The following PLIN2 variants were observed in gnomAD, a reference collection of about 807,000 sequenced individuals.
PLIN2 encodes the protein perilipin-2.
Under a neutral mutation model 30.6 loss-of-function variants are expected in PLIN2, and 33 were observed. That is an observed-to-expected ratio of 1.08 (90% CI 0.82 to 1.44). The LOEUF (loss-of-function observed/expected upper bound fraction) is 1.44, where lower values mean the gene tolerates loss of function less well. Ranked by LOEUF, PLIN2 falls within the 40% of genes most tolerant of loss-of-function variation. PLIN2 has a pLI of 0.00. For synonymous variants in PLIN2, 205 were observed against 201.1 expected (o/e 1.02, Z -0.16); for missense variants, 610 against 531.8 (o/e 1.15, Z -1.45).
intron 3 of PLIN2, among the ~76,000 whole-genome samples, chr9:19,125,118 C>G (rs559856346): frequency 1.3e-5 from 2 of 152,176 alleles, no homozygotes; most frequent in Non-Finnish European, 2.9e-5. Context: ...TGAGATTTCT[C>G]ATGGAGTATG....
chr9:19,126,777 C>T (rs1818408125), intron 1 of PLIN2, among the ~76,000 whole-genome samples: 1 of 152,216 alleles, frequency 6.6e-6, no homozygotes, highest in African/African-American at 2.4e-5. Flanking sequence ...CGCGGTGGCT[C>T]ACGCCTGTAA....
Position 19,116,192 on chromosome 9 carries a change from C to G in PLIN2, c.*56G>C. 1.3e-6 allele frequency: 2 copies of G among 1,484,206 alleles called. No homozygotes were observed. Among genetic ancestry groups the G allele is most frequent in the Non-Finnish European group, 1.8e-6 (2 of 1,110,654 alleles). 91.9% of individuals were successfully genotyped at this position (1,484,206 alleles called of 1,614,324 possible). ...GGGTTGCCTAGCAAGTTAATTTCAA[C>G]ATAACAAAAGGTGTCATCTGTCTGG... On this transcript the variant is annotated 3_prime_UTR_variant, in exon 8 of 8. Transcript: ENST00000276914.
At chr9:19,114,054 A>T (rs1232336406), downstream of PLIN2, among the ~76,000 whole-genome samples, 1 of 151,944 alleles carries the variant, frequency 6.6e-6, no homozygotes, top group Non-Finnish European at 1.5e-5. Context: ...CTGGGATTAC[A>T]GGCCGTGAGC....
At chr9:19,119,898 C>G (rs1330643833) in intron 5 of PLIN2, 67 bp from the exon 6 acceptor site, 5 of 1,021,610 alleles carry the variant, frequency 4.9e-6, no homozygotes, top group Non-Finnish European at 7.3e-6. Context: ...GGCCTGGACT[C>G]TAACCTGGGT....
chr9:19,110,851 A>G (rs1818150964), downstream of PLIN2, among the ~76,000 whole-genome samples: 1 of 152,178 alleles, frequency 6.6e-6, no homozygotes, highest in Non-Finnish European at 1.5e-5. Context: ...CCTAGAAAGT[A>G]TATTATGTAT....
rs1564032943 is a variant in PLIN2 at position 19,127,085 on chromosome 9, C to T, written c.-23+334G>A. Among the ~76,000 whole-genome samples, 2 of 152,140 alleles carry T rather than the reference C, an allele frequency of 1.3e-5. No homozygotes were observed. The highest frequency in any genetic ancestry group is 2.9e-5 in the Non-Finnish European group (2 of 68,034). On this transcript the variant is annotated intron_variant, in intron 1 of 7. Transcript: ENST00000276914. The surrounding 1 kb of genome is among the most constrained non-coding windows in gnomAD (Gnocchi z 4.3). ...TAACGCGTTTCCCTTTCGATAATGT[C>T]CCTTCGACAAATATTGTTTTCCCAC...
At chr9:19,109,682 A>G (rs1344237449) in intron 2 of PLIN2, among the ~76,000 whole-genome samples, 3 of 151,056 alleles carry the variant, frequency 2.0e-5, no homozygotes, top group Non-Finnish European at 3.0e-5. Context: ...AAATCCCTCA[A>G]AAAGACCAGG....
rs867225700 is a variant in PLIN2, at chr9:19,124,120, C to G, written c.227-473G>C. ...GAGGCCTGGCAAGTTGCTGGCAACTCTCTTCTAAAGGTAAGGAAATATGGG... is the reference window on the plus strand; with the variant it reads ...GAGGCCTGGCAAGTTGCTGGCAACTGTCTTCTAAAGGTAAGGAAATATGGG... On this transcript the variant is annotated intron_variant, in intron 3 of 7. Transcript: ENST00000276914. Among the ~76,000 whole-genome samples the G allele has an allele frequency of 7.9e-5, 12 of 151,968 alleles. No homozygotes were observed. In the Middle Eastern group the frequency reaches 0.01, roughly 130 times the overall value.
chr9:19,119,599 C>A (rs750799276), intron 6 of PLIN2, 51 bp downstream of exon 6: 19 of 1,084,258 alleles, frequency 1.8e-5, no homozygotes, highest in Middle Eastern at 3.3e-4. Flanking sequence ...ATTCTTGGGC[C>A]TAGAGATAAA....
At chr9:19,124,124 T>C (rs967519313) in intron 3 of PLIN2, among the ~76,000 whole-genome samples, 3 of 151,968 alleles carry the variant, frequency 2.0e-5, no homozygotes, top group African/African-American at 7.2e-5. Context: ...GCAACTCTCT[T>C]CTAAAGGTAA....
At position 19,119,659 on chromosome 9, in the gene PLIN2, A is replaced by C. The variant is rs1484209649; in HGVS notation, c.768T>G (p.Thr256=). The C allele has an allele frequency of 6.3e-7, 1 of 1,580,194 alleles. No individual in the cohort carries two copies. Among genetic ancestry groups the C allele is most frequent in the African/African-American group, 1.4e-5 (1 of 73,718 alleles). Residue 256 remains threonine, a synonymous_variant, in exon 6 of 8, where the codon ACT becomes ACG. Transcript: ENST00000276914. ...ATAAAGTTTTACTCACCAGGTGAAC[A>C]GTAGAATGGAGCTGAGAAATGGTCT... ...SQQTISQLHS[T]VHLIEFARKN...
In PLIN2 at chr9:19,119,814, CT is replaced by C; in HGVS notation, c.612del (p.Val205LeufsTer55). 2.6e-6 allele frequency: 4 copies of C among 1,555,544 alleles called. No individual in the cohort carries two copies. The highest frequency in any genetic ancestry group is 2.4e-5 in the South Asian group (2 of 84,498). ...TEEELEKEAK[K>X]VEGFDLVQKP... ...TTCTGAACCAGATCAAATCCTTCAACTTTTTTTGCTTCTTTTTCTGAAGTTA... is the reference window on the plus strand; with the variant it reads ...TTCTGAACCAGATCAAATCCTTCAACTTTTTTGCTTCTTTTTCTGAAGTTA... On this transcript the variant is annotated frameshift_variant, in exon 6 of 8. Transcript: ENST00000276914. LOFTEE classifies it high-confidence loss of function.
At chr9:19,124,011 C>T (rs1818359841) in intron 3 of PLIN2, among the ~76,000 whole-genome samples, 1 of 101,746 alleles carries the variant, frequency 9.8e-6, no homozygotes, top group Non-Finnish European at 2.1e-5. Flanking sequence ...GAGCAAGACT[C>T]CATCTCAAAA....
At chr9:19,110,634 C>A (rs998196339) in intron 2 of PLIN2, among the ~76,000 whole-genome samples, 11 of 151,860 alleles carry the variant, frequency 7.2e-5, no homozygotes, top group Admixed American at 3.9e-4. Flanking sequence ...TGCCACCACA[C>A]CCGGCTAATT....
In PLIN2 at chr9:19,119,661, T is replaced by C; in HGVS notation, c.766A>G (p.Thr256Ala). 6.3e-7 allele frequency: 1 copy of C among 1,591,142 alleles called. No homozygotes were observed. The highest frequency in any genetic ancestry group is 1.3e-5 in the African/African-American group (1 of 74,272). The change falls in exon 6 of 8, where the codon ACT (threonine) becomes GCT (alanine). Residue 256 changes from threonine (T) to alanine (A), a missense_variant. Transcript: ENST00000276914. Reference sequence around the variant, plus strand: ...AAAGTTTTACTCACCAGGTGAACAGTAGAATGGAGCTGAGAAATGGTCTGT... The same window carrying C: ...AAAGTTTTACTCACCAGGTGAACAGCAGAATGGAGCTGAGAAATGGTCTGT... ...SQQTISQLHS[T>A]VHLIEFARKN...
intron 3 of PLIN2, chr9:19,125,889 C>T (rs1397677643): frequency 2.3e-6 from 1 of 436,468 alleles, no homozygotes; most frequent in Non-Finnish European, 4.1e-6. Context: ...CGCCACTGAA[C>T]TCCAGCCTGA....
chr9:19,126,549 G>A lies in PLIN2; in HGVS notation c.-22-101C>T, dbSNP rs1315852003. On this transcript the variant is annotated intron_variant, in intron 1 of 7. Coordinates refer to ENST00000276914, the MANE Select transcript of PLIN2 (RefSeq NM_001122.4). ...GATTACAAGTAGAGAAAAATGCAGG[G>A]TGAGCTCCCTGTAGTCTTCTGCACT... The A allele has an allele frequency of 1.7e-5, 13 of 773,290 alleles. No individual in the cohort carries two copies. The South Asian group carries it at 1.8e-4, about 11-fold the overall frequency. The allele number at this position is 773,290 out of a possible 1,614,324, so 47.9% of individuals were successfully genotyped here.
intron 3 of PLIN2, among the ~76,000 whole-genome samples, chr9:19,125,180 C>G (rs1345384099): frequency 6.6e-6 from 1 of 152,184 alleles, no homozygotes; most frequent in Non-Finnish European, 1.5e-5. Context: ...TTCACCATTT[C>G]AACCATTTTT....
At chr9:19,110,075 G>T (rs1312718392) in intron 2 of PLIN2, among the ~76,000 whole-genome samples, 2 of 152,156 alleles carry the variant, frequency 1.3e-5, no homozygotes, top group Non-Finnish European at 2.9e-5. Context: ...CCAGGTTGGA[G>T]TGCAGTGGCG....
Sources: gnomAD v4.1 joint callset for allele counts (sites outside exome capture counted in the v4.1 genomes callset) on GRCh38, gnomAD v4.1.1 for gene constraint, Gnocchi (gnomAD v3.1) non-coding constraint, MANE v1.5 for transcripts, NCBI Gene and HGNC (gene_info 2026-07-23, HGNC 2026-07-21) for gene names.